ASAP1: variants seen among roughly 807,000 people sequenced by gnomAD.
The protein encoded by ASAP1 is arf-GAP with SH3 domain, ANK repeat and PH domain-containing protein 1.
In ASAP1, 43 loss-of-function variants were observed where a neutral mutation model predicts 145.2. That is an observed-to-expected ratio of 0.30 (90% CI 0.23 to 0.38). ASAP1 has a LOEUF of 0.38. Among genes scored for constraint, ASAP1 ranks in the 10% least tolerant of loss-of-function variants. The pLI is 1.00. For missense variants in ASAP1, 1,018 were observed against 1,355.3 expected (o/e 0.75, Z 3.91); for synonymous variants, 546 against 515.5 (o/e 1.06, Z -0.80).
chr8:130,390,079 C>G (rs533827234), intron 2 of ASAP1, among the ~76,000 whole-genome samples: 1 of 152,244 alleles, frequency 6.6e-6, no homozygotes, highest in African/African-American at 2.4e-5. Context: ...AAAGGGAGGG[C>G]CTGAGAATCT....
intron 2 of ASAP1, among the ~76,000 whole-genome samples, chr8:130,364,795 A>G (rs978047260): frequency 6.6e-6 from 1 of 152,216 alleles, no homozygotes; most frequent in Non-Finnish European, 1.5e-5. Flanking sequence ...GAACTTCCTC[A>G]GCAACAAATA....
intron 11 of ASAP1, chr8:130,160,663 A>G: frequency 1.0e-5 from 5 of 501,100 alleles, no homozygotes; most frequent in Non-Finnish European, 1.6e-5. Context: ...ACATGACTAG[A>G]AACAGCCATT....
chr8:130,099,646 T>TCATACA (rs2097525134), intron 24 of ASAP1, among the ~76,000 whole-genome samples: 1 of 151,646 alleles, frequency 6.6e-6, no homozygotes, highest in South Asian at 2.1e-4. Flanking sequence ...TCCTTCAGGG[T>TCATACA]CATACATGTT....
intron 3 of ASAP1, chr8:130,340,834 C>CT (rs1332096935): frequency 4.4e-6 from 2 of 451,266 alleles, no homozygotes; most frequent in South Asian, 3.1e-5. Context: ...AAAGAGGAAG[C>CT]TTAATACCTT....
At chr8:130,379,783 A>G (rs920104374) in intron 2 of ASAP1, among the ~76,000 whole-genome samples, 1 of 152,164 alleles carries the variant, frequency 6.6e-6, no homozygotes, top group East Asian at 1.9e-4. Flanking sequence ...CCACAGTGAC[A>G]CAAGAGGCCA....
At chr8:130,237,024 T>C (rs746140072) in intron 3 of ASAP1, 30 bp from the exon 4 acceptor site, 2 of 1,486,102 alleles carry the variant, frequency 1.3e-6, no homozygotes, top group African/African-American at 1.4e-5. Context: ...GAAAAGATAT[T>C]AGAAGATTTG....
chr8:130,088,423 C>T (rs2097498463), intron 25 of ASAP1, among the ~76,000 whole-genome samples: 1 of 152,006 alleles, frequency 6.6e-6, no homozygotes, highest in Non-Finnish European at 1.5e-5. Context: ...TCATGTGGGT[C>T]CTATATACAA....
intron 3 of ASAP1, among the ~76,000 whole-genome samples, chr8:130,268,490 AACACACACACACACACACACAC>A (rs113714700): frequency 1.5e-5 from 2 of 133,190 alleles, no homozygotes; most frequent in East Asian, 2.4e-4. Context: ...CCCGTCTTAA[AACACACACACACACACACACAC>A]ACACACACAC....
At position 130,237,552 on chromosome 8, in the gene ASAP1, A is replaced by C. The variant is rs186077013; in HGVS notation, c.187-558T>G. On this transcript the variant is annotated intron_variant, in intron 3 of 29. Coordinates refer to ENST00000518721, the MANE Select transcript of ASAP1 (RefSeq NM_018482.4). ...GGCAGTTGAATTTTGGCAATCTTTTAATTTAAAAAAACAGGTTGGAAAATG... is the reference window on the plus strand; with the variant it reads ...GGCAGTTGAATTTTGGCAATCTTTTCATTTAAAAAAACAGGTTGGAAAATG... Among the ~76,000 whole-genome samples the C allele has an allele frequency of 2.0e-3, 309 of 152,222 alleles. 1 individual carries two copies. Among genetic ancestry groups the C allele is most frequent in the Middle Eastern group, 0.01 (3 of 294 alleles).
intron 18 of ASAP1, among the ~76,000 whole-genome samples, chr8:130,122,046 T>C (rs530228902): frequency 6.6e-6 from 1 of 152,254 alleles, no homozygotes; most frequent in African/African-American, 2.4e-5. Context: ...CCATATGACC[T>C]GTTCCAGCTG....
At chr8:130,304,216 C>G (rs1308315915) in intron 3 of ASAP1, among the ~76,000 whole-genome samples, 1 of 150,990 alleles carries the variant, frequency 6.6e-6, no homozygotes, top group African/African-American at 2.4e-5. Flanking sequence ...AAAAAAGAAA[C>G]GGCTCCTAGA....
intron 11 of ASAP1, among the ~76,000 whole-genome samples, chr8:130,165,863 G>A (rs780808624): frequency 6.6e-6 from 1 of 152,166 alleles, no homozygotes; most frequent in East Asian, 1.9e-4. Flanking sequence ...GGCTTCCCAT[G>A]TTTTATGGGA....
chr8:130,419,965 T>C (rs1829650041), intron 1 of ASAP1, among the ~76,000 whole-genome samples: 1 of 151,836 alleles, frequency 6.6e-6, no homozygotes, highest in Non-Finnish European at 1.5e-5. Context: ...CTTTTTTTTT[T>C]TTTTAATAGA....
chr8:130,243,451 C>T (rs923447087), intron 3 of ASAP1, among the ~76,000 whole-genome samples: 2 of 152,170 alleles, frequency 1.3e-5, no homozygotes, highest in Admixed American at 1.3e-4. Context: ...CACACTCTCT[C>T]TCTCTTTGGA....
At chr8:130,362,146 A>G (rs1223539774) in intron 2 of ASAP1, among the ~76,000 whole-genome samples, 3 of 152,202 alleles carry the variant, frequency 2.0e-5, no homozygotes, top group Non-Finnish European at 2.9e-5. Flanking sequence ...GCTCTCAGTT[A>G]CATTTCCAGT....
chr8:130,359,663 C>T (rs544600801), intron 2 of ASAP1, among the ~76,000 whole-genome samples: 539 of 149,120 alleles, frequency 3.6e-3, no homozygotes, highest in Middle Eastern at 0.029. Flanking sequence ...GTCGCCCAGG[C>T]CGGACTGCGG....
At chr8:130,295,526 A>C (rs984740123) in intron 3 of ASAP1, among the ~76,000 whole-genome samples, 3 of 152,164 alleles carry the variant, frequency 2.0e-5, no homozygotes, top group Non-Finnish European at 4.4e-5. Context: ...AATAATACCT[A>C]GTTATTGTGA....
intron 1 of ASAP1, among the ~76,000 whole-genome samples, chr8:130,434,932 C>A (rs192773409): frequency 2.0e-5 from 3 of 152,244 alleles, no homozygotes; most frequent in African/African-American, 7.2e-5. Context: ...TGCTTACAGC[C>A]CATCCCCTGA....
intron 3 of ASAP1, among the ~76,000 whole-genome samples, chr8:130,299,178 G>A (rs1322091816): frequency 3.9e-5 from 6 of 152,118 alleles, no homozygotes; most frequent in East Asian, 1.9e-4. Flanking sequence ...GTACACAAGC[G>A]GATAACAGTG....
Sources: gnomAD v4.1 joint callset for allele counts (sites outside exome capture counted in the v4.1 genomes callset) on GRCh38, gnomAD v4.1.1 for gene constraint, MANE v1.5 for transcripts, NCBI Gene and HGNC (gene_info 2026-07-23, HGNC 2026-07-21) for gene names.